HCN1: variants seen among roughly 807,000 people sequenced by gnomAD.
HCN1 encodes the protein hyperpolarization activated cyclic nucleotide gated potassium channel 1.
A neutral mutation model predicts 78.9 loss-of-function variants in HCN1; 13 were observed. The ratio of observed to expected loss-of-function variants is 0.16; its 90% confidence interval spans 0.11 to 0.26. HCN1 has a LOEUF of 0.26. Among genes scored for constraint, HCN1 ranks in the 10% least tolerant of loss-of-function variants. The pLI, the probability that HCN1 is intolerant of heterozygous loss-of-function variation, is 1.00. For missense variants in HCN1, 810 were observed against 1,154.3 expected, an observed-to-expected ratio of 0.70 and a Z score of 4.32; for synonymous variants, 552 against 455.5, an observed-to-expected ratio of 1.21 and a Z score of -2.70.
At chr5:45,286,505 T>C (rs1425769826) in intron 6 of HCN1, among the ~76,000 whole-genome samples, 1 of 152,006 alleles carries the variant, frequency 6.6e-6, no homozygotes, top group African/African-American at 2.4e-5. Context: ...CATTGTAAAA[T>C]GAATGCAATT....
At chr5:45,563,911 T>C (rs1009299429) in intron 2 of HCN1, among the ~76,000 whole-genome samples, 1 of 152,308 alleles carries the variant, frequency 6.6e-6, no homozygotes, top group Admixed American at 6.5e-5. Flanking sequence ...TTTCTATCTA[T>C]GTCAGTTTCA....
chr5:45,316,362 A>T (rs965247229), intron 5 of HCN1, among the ~76,000 whole-genome samples: 1 of 152,122 alleles, frequency 6.6e-6, no homozygotes, highest in African/African-American at 2.4e-5. Flanking sequence ...AAAATTCAAC[A>T]CCCCTTCATG....
intron 1 of HCN1, among the ~76,000 whole-genome samples, chr5:45,655,610 G>A (rs1284394692): frequency 1.3e-5 from 2 of 152,124 alleles, no homozygotes; most frequent in African/African-American, 4.8e-5. Flanking sequence ...CACAAGAGAA[G>A]GGGCATAGGC....
chr5:45,546,245 TC>T (rs1743224645), intron 2 of HCN1, among the ~76,000 whole-genome samples: 1 of 151,936 alleles, frequency 6.6e-6, no homozygotes, highest in African/African-American at 2.4e-5. Flanking sequence ...AAATTTAGAC[TC>T]CAATTGGCCT....
rs182708150 is a variant in HCN1 at position 45,526,004 on chromosome 5, G to A, written c.850-63997C>T. Reference sequence around the variant, plus strand: ...TTTCCACCAGGTGAGAATACAGTGAGAAGTTGGCAGTCGGCAAACCAAAAG... The same window carrying A: ...TTTCCACCAGGTGAGAATACAGTGAAAAGTTGGCAGTCGGCAAACCAAAAG... On this transcript the variant is annotated intron_variant, in intron 2 of 7. Coordinates refer to ENST00000303230, the MANE Select transcript of HCN1 (RefSeq NM_021072.4). 3.0e-4 allele frequency among the ~76,000 whole-genome samples: 46 copies of A among 152,060 alleles called. No homozygotes were observed. In the East Asian group the frequency reaches 3.3e-3, roughly 11 times the overall value.
intron 5 of HCN1, among the ~76,000 whole-genome samples, chr5:45,349,341 A>G (rs1746832826): frequency 1.3e-5 from 2 of 152,238 alleles, no homozygotes; most frequent in African/African-American, 4.8e-5. Context: ...CAAAGACACA[A>G]CATAACAGAA....
At chr5:45,626,064 A>G (rs1745157631) in intron 2 of HCN1, among the ~76,000 whole-genome samples, 1 of 152,160 alleles carries the variant, frequency 6.6e-6, no homozygotes. Context: ...CGTTCCTATG[A>G]GTTATCTATT....
chr5:45,403,056 G>C (rs1739856176), intron 3 of HCN1, among the ~76,000 whole-genome samples: 1 of 151,986 alleles, frequency 6.6e-6, no homozygotes, highest in Admixed American at 6.6e-5. Context: ...ACTGTATCTG[G>C]TCCTTAGGCT....
chr5:45,375,285 CATAAT>C (rs1248244110), intron 4 of HCN1, among the ~76,000 whole-genome samples: 15 of 113,268 alleles, frequency 1.3e-4, no homozygotes, highest in Non-Finnish European at 2.2e-4. Context: ...ATATATTATA[CATAAT>C]ATATTTCATG....
At chr5:45,298,918 C>T (rs1229943672) in intron 6 of HCN1, among the ~76,000 whole-genome samples, 2 of 152,012 alleles carry the variant, frequency 1.3e-5, no homozygotes, top group African/African-American at 4.8e-5. Flanking sequence ...ATAGCATGCA[C>T]TCTCAATATG....
chr5:45,299,550 G>T (rs1347256393), intron 6 of HCN1, among the ~76,000 whole-genome samples: 1 of 151,614 alleles, frequency 6.6e-6, no homozygotes, highest in African/African-American at 2.4e-5. Flanking sequence ...TTTGGCATTG[G>T]CATCAAATTT....
chr5:45,375,442 GATC>G (rs1183695285), intron 4 of HCN1, among the ~76,000 whole-genome samples: 1 of 106,812 alleles, frequency 9.4e-6, no homozygotes, highest in African/African-American at 4.0e-5. Context: ...TTATATATAA[GATC>G]ATATTTTATG....
At chr5:45,311,597 G>A (rs1745852877) in intron 5 of HCN1, among the ~76,000 whole-genome samples, 1 of 152,146 alleles carries the variant, frequency 6.6e-6, no homozygotes, top group Admixed American at 6.6e-5. Context: ...TGTTGCTTTA[G>A]TGTTGATAAT....
At chr5:45,395,863 A>G (rs554598753) in intron 4 of HCN1, among the ~76,000 whole-genome samples, 21 of 152,290 alleles carry the variant, frequency 1.4e-4, no homozygotes, top group African/African-American at 5.1e-4. Context: ...AAAAAATCCA[A>G]TGAATAAATC....
Position 45,593,344 on chromosome 5 carries a change from A to T in HCN1, c.849+51841T>A, listed in dbSNP as rs909404375. Among the ~76,000 whole-genome samples, 90 of 145,442 alleles carry T rather than the reference A, an allele frequency of 6.2e-4. 1 individual carries two copies. The highest frequency in any genetic ancestry group is 5.0e-3 in the South Asian group (23 of 4,568). On this transcript the variant is annotated intron_variant, in intron 2 of 7. Coordinates refer to ENST00000303230, the MANE Select transcript of HCN1 (RefSeq NM_021072.4). ...CTCCCTCTCTCTCTCTCTCTCTCAC[A>T]CACACACACACACACACACACACAC... is the stretch of plus-strand genomic sequence containing the variant.
chr5:45,350,273 C>T (rs1475889017), intron 5 of HCN1, among the ~76,000 whole-genome samples: 1 of 152,070 alleles, frequency 6.6e-6, no homozygotes, highest in Non-Finnish European at 1.5e-5. Context: ...AAGACAAAAA[C>T]TACATGATTA....
At chr5:45,624,868 G>A (rs1448914336) in intron 2 of HCN1, among the ~76,000 whole-genome samples, 1 of 152,038 alleles carries the variant, frequency 6.6e-6, no homozygotes, top group African/African-American at 2.4e-5. Context: ...AATGAGGCTG[G>A]GAATAACTCT....
intron 2 of HCN1, chr5:45,575,928 C>T (rs1338713702): frequency 6.6e-6 from 1 of 151,946 alleles, no homozygotes; most frequent in Non-Finnish European, 1.5e-5. Flanking sequence ...AGTATAGCTG[C>T]CATAGATGGT....
intron 2 of HCN1, among the ~76,000 whole-genome samples, chr5:45,561,090 T>C (rs1429764502): frequency 6.6e-6 from 1 of 152,118 alleles, no homozygotes; most frequent in Non-Finnish European, 1.5e-5. Flanking sequence ...TGAAATGTCA[T>C]GCCTTCTTAA....
Sources: allele counts gnomAD v4.1 joint callset (sites outside exome capture counted in the v4.1 genomes callset), GRCh38; gene constraint gnomAD v4.1.1; transcripts MANE v1.5; gene names NCBI Gene and HGNC (gene_info 2026-07-23, HGNC 2026-07-21).